POPDC1: variants seen among roughly 807,000 people sequenced by gnomAD.
The protein encoded by POPDC1 is popeye domain-containing protein 1.
chr6:105,109,583 C>G, the POPDC1 span, among the ~76,000 whole-genome samples: 1 of 151,166 alleles, frequency 6.6e-6, no homozygotes, highest in Non-Finnish European at 1.5e-5. Flanking sequence ...ACAAAAAATA[C>G]AAAAATTAGC....
the POPDC1 span, among the ~76,000 whole-genome samples, chr6:105,113,933 T>TC: frequency 3.9e-5 from 5 of 129,366 alleles, no homozygotes; most frequent in Non-Finnish European, 8.3e-5. Flanking sequence ...CCAACTCCCA[T>TC]CCCCCCCGCC....
chr6:105,115,941 C>T, the POPDC1 span: 13 of 1,001,222 alleles, frequency 1.3e-5, no homozygotes, highest in Non-Finnish European at 1.7e-5. Context: ...AAAAAGAATA[C>T]CTGATACATA....
At chr6:105,134,748 G>A in the POPDC1 span, among the ~76,000 whole-genome samples, 2 of 152,142 alleles carry the variant, frequency 1.3e-5, no homozygotes, top group African/African-American at 4.8e-5. Flanking sequence ...TTTACAAATT[G>A]TGAATGAAAT....
At chr6:105,106,598 G>C in the POPDC1 span, among the ~76,000 whole-genome samples, 2 of 152,194 alleles carry the variant, frequency 1.3e-5, no homozygotes, top group African/African-American at 4.8e-5. Flanking sequence ...GGGCAGAACT[G>C]TTCAGATGGC....
chr6:105,125,431 T>C, the POPDC1 span: 2 of 1,614,158 alleles, frequency 1.2e-6, no homozygotes, highest in South Asian at 1.1e-5. Flanking sequence ...TCAACTGAGG[T>C]TTTATCCTCT....
chr6:105,110,898 C>G, the POPDC1 span, among the ~76,000 whole-genome samples: 1 of 152,162 alleles, frequency 6.6e-6, no homozygotes, highest in African/African-American at 2.4e-5. Flanking sequence ...GTTGCCCAGG[C>G]TCGTCTTGAA....
the POPDC1 span, among the ~76,000 whole-genome samples, chr6:105,127,258 C>G: frequency 1.3e-5 from 2 of 152,244 alleles, no homozygotes; most frequent in African/African-American, 2.4e-5. Flanking sequence ...AAAGCACAGA[C>G]ACTAAGCGAT....
chr6:105,104,797 G>T, the POPDC1 span, among the ~76,000 whole-genome samples: 2 of 152,206 alleles, frequency 1.3e-5, no homozygotes, highest in African/African-American at 4.8e-5. Flanking sequence ...CATCCAATCA[G>T]TAAAAGGAAT....
At chr6:105,127,864 G>A in the POPDC1 span, among the ~76,000 whole-genome samples, 3 of 152,056 alleles carry the variant, frequency 2.0e-5, no homozygotes, top group East Asian at 3.9e-4. Context: ...GGGTTCAAGC[G>A]ATTCTTGTGC....
At chr6:105,098,575 C>T in the POPDC1 span, 1 of 152,102 alleles carries the variant, frequency 6.6e-6, no homozygotes, top group African/African-American at 2.4e-5. Flanking sequence ...AAGGATGTTA[C>T]ATCTAATGAC....
At chr6:105,127,750 T>A in the POPDC1 span, among the ~76,000 whole-genome samples, 2 of 152,070 alleles carry the variant, frequency 1.3e-5, no homozygotes, top group East Asian at 1.9e-4. Flanking sequence ...GAAGCCCTCT[T>A]AATTCTTTTC....
At chr6:105,104,633 A>C in the POPDC1 span, among the ~76,000 whole-genome samples, 1 of 152,148 alleles carries the variant, frequency 6.6e-6, no homozygotes, top group South Asian at 2.1e-4. Flanking sequence ...TCATTAGGAA[A>C]AGGGACTGTC....
the POPDC1 span, chr6:105,125,452 T>A: frequency 6.2e-7 from 1 of 1,614,186 alleles, no homozygotes; most frequent in Non-Finnish European, 8.5e-7. Context: ...GCAGCATAAG[T>A]TTGGCCCTTT....
chr6:105,122,492 G>C, the POPDC1 span, among the ~76,000 whole-genome samples: 1 of 152,168 alleles, frequency 6.6e-6, no homozygotes, highest in Non-Finnish European at 1.5e-5. Flanking sequence ...CTGAAGTCCA[G>C]AAAAGATAGT....
At chr6:105,128,779 C>T in the POPDC1 span, among the ~76,000 whole-genome samples, 1 of 152,124 alleles carries the variant, frequency 6.6e-6, no homozygotes, top group Admixed American at 6.6e-5. Context: ...TTTGTTTGTG[C>T]TTAGGAAAGT....
chr6:105,115,412 C>T, the POPDC1 span, among the ~76,000 whole-genome samples: 1 of 152,200 alleles, frequency 6.6e-6, no homozygotes, highest in African/African-American at 2.4e-5. Context: ...GCCACCATGC[C>T]CAGCCAGTGA....
chr6:105,098,310 T>C, the POPDC1 span: 2 of 152,222 alleles, frequency 1.3e-5, no homozygotes, highest in African/African-American at 4.8e-5. Context: ...ATCAAGTCTA[T>C]ATGGGAGGCT....
At chr6:105,130,973 G>C in the POPDC1 span, among the ~76,000 whole-genome samples, 1 of 152,052 alleles carries the variant, frequency 6.6e-6, no homozygotes, top group Non-Finnish European at 1.5e-5. Flanking sequence ...TTTTCCCTTG[G>C]TGATTATCCA....
chr6:105,124,224 T>C, the POPDC1 span, among the ~76,000 whole-genome samples: 6,525 of 151,510 alleles, frequency 0.043, 470 homozygotes, highest in African/African-American at 0.15. Flanking sequence ...CTACTAAAAA[T>C]ACAAAAAATT....
Sources: gnomAD v4.1 joint callset for allele counts (sites outside exome capture counted in the v4.1 genomes callset) on GRCh38, gnomAD v4.1.1 for gene constraint, MANE v1.5 for transcripts, NCBI Gene and HGNC (gene_info 2026-07-23, HGNC 2026-07-21) for gene names.